PTPRK: variants seen among roughly 807,000 people sequenced by gnomAD.
PTPRK encodes receptor-type tyrosine-protein phosphatase kappa.
Under a neutral mutation model 178.0 loss-of-function variants are expected in PTPRK, and 75 were observed. The ratio of observed to expected loss-of-function variants is 0.42; its 90% CI spans 0.35 to 0.51. The LOEUF (loss-of-function observed/expected upper bound fraction) is 0.51. Ranked by LOEUF, PTPRK falls within the 20% of genes least tolerant of loss-of-function variation. PTPRK has a pLI of 0.02. For synonymous variants in PTPRK, 637 were observed against 620.6 expected (o/e 1.03, Z -0.39); for missense variants, 1,441 against 1,797.8 (o/e 0.80, Z 3.59).
At chr6:128,349,737 G>A (rs774465050) in intron 2 of PTPRK, among the ~76,000 whole-genome samples, 6 of 152,176 alleles carry the variant, frequency 3.9e-5, no homozygotes, top group Non-Finnish European at 5.9e-5. Context: ...GGGTATAGGC[G>A]TTATAGTCTA....
At chr6:128,424,288 T>C (rs1363748484) in intron 1 of PTPRK, among the ~76,000 whole-genome samples, 1 of 152,040 alleles carries the variant, frequency 6.6e-6, no homozygotes, top group East Asian at 1.9e-4. Context: ...CAGCTACAGA[T>C]AAAGATATAG....
chr6:128,168,214 G>A (rs1799694468), intron 7 of PTPRK, among the ~76,000 whole-genome samples: 1 of 152,002 alleles, frequency 6.6e-6, no homozygotes, highest in Non-Finnish European at 1.5e-5. Context: ...ATTCTTTCTT[G>A]CATTTTGATT....
At chr6:128,472,315 C>T (rs546168235) in intron 1 of PTPRK, among the ~76,000 whole-genome samples, 14 of 152,032 alleles carry the variant, frequency 9.2e-5, no homozygotes, top group African/African-American at 3.4e-4. Context: ...GTGGTGCACC[C>T]GAGCTACATG....
intron 12 of PTPRK, among the ~76,000 whole-genome samples, chr6:128,066,974 C>T (rs1208729563): frequency 2.0e-5 from 3 of 152,154 alleles, no homozygotes; most frequent in South Asian, 2.1e-4. Flanking sequence ...AGCCAGTCAT[C>T]GCCAGGCTGC....
intron 2 of PTPRK, among the ~76,000 whole-genome samples, chr6:128,353,554 T>C (rs903086576): frequency 4.6e-5 from 7 of 152,220 alleles, no homozygotes; most frequent in Non-Finnish European, 1.0e-4. Flanking sequence ...ACAACTTGCA[T>C]GGATCCTAAG....
intron 1 of PTPRK, among the ~76,000 whole-genome samples, chr6:128,486,555 G>C (rs1047006014): frequency 6.6e-6 from 1 of 152,060 alleles, no homozygotes; most frequent in Non-Finnish European, 1.5e-5. Flanking sequence ...TGTAATCCCA[G>C]GACTTTGGGA....
intron 7 of PTPRK, among the ~76,000 whole-genome samples, chr6:128,149,624 G>A (rs1796985675): frequency 6.6e-6 from 1 of 152,006 alleles, no homozygotes; most frequent in Admixed American, 6.6e-5. Flanking sequence ...TACATCACAG[G>A]GTAGTTGTGA....
At chr6:128,245,612 A>G (rs972081093) in intron 3 of PTPRK, among the ~76,000 whole-genome samples, 1 of 152,158 alleles carries the variant, frequency 6.6e-6, no homozygotes, top group Non-Finnish European at 1.5e-5. Context: ...TGAAAGTGAG[A>G]TGGAGGATGG....
At chr6:128,137,940 C>A (rs1262342072) in intron 7 of PTPRK, among the ~76,000 whole-genome samples, 5 of 152,002 alleles carry the variant, frequency 3.3e-5, no homozygotes, top group East Asian at 3.8e-4. Flanking sequence ...ACTGGTATAT[C>A]CCACATCAGG....
intron 1 of PTPRK, among the ~76,000 whole-genome samples, chr6:128,402,597 A>G (rs1841170370): frequency 6.6e-6 from 1 of 152,196 alleles, no homozygotes; most frequent in Admixed American, 6.5e-5. Flanking sequence ...TCTGAAATAT[A>G]CTGGGATATG....
At chr6:128,144,453 T>G (rs2114525192) in intron 7 of PTPRK, among the ~76,000 whole-genome samples, 1 of 152,304 alleles carries the variant, frequency 6.6e-6, no homozygotes, top group South Asian at 2.1e-4. Flanking sequence ...TGCATGTTGT[T>G]TACTCTGCTG....
chr6:128,092,238 A>ATGTATT (rs1787104595), intron 7 of PTPRK, among the ~76,000 whole-genome samples: 1 of 152,104 alleles, frequency 6.6e-6, no homozygotes, highest in African/African-American at 2.4e-5. Context: ...TGAAATTGAC[A>ATGTATT]TTTTTTTCCA....
chr6:127,983,272 T>C lies in PTPRK; in HGVS notation c.3357A>G (p.Arg1119=). Residue 1119 remains arginine (R), a synonymous_variant, in exon 23 of 30, where the codon AGA becomes AGG. Coordinates refer to ENST00000368226, the MANE Select transcript of PTPRK (RefSeq NM_002844.4). ...VDIYNCVKAL[R]SRRINMVQTE... is the part of the protein sequence containing the mutation. Reference sequence around the variant, plus strand: ...TCTGGACCATATTAATACGCCGAGATCTTAAGGCTTTGACACAATTGTAAA... The same window carrying C: ...TCTGGACCATATTAATACGCCGAGACCTTAAGGCTTTGACACAATTGTAAA... 6.2e-7 allele frequency: 1 copy of C among 1,613,384 alleles called. No homozygotes were observed. Among genetic ancestry groups the C allele is most frequent in the Non-Finnish European group, 8.5e-7 (1 of 1,179,560 alleles).
intron 1 of PTPRK, among the ~76,000 whole-genome samples, chr6:128,516,476 C>T (rs183983418): frequency 2.0e-5 from 3 of 151,624 alleles, no homozygotes; most frequent in East Asian, 1.9e-4. Flanking sequence ...ATTGAGGGAT[C>T]GAGGGATATT....
chr6:128,266,270 C>T (rs1445077773), intron 3 of PTPRK, among the ~76,000 whole-genome samples: 1 of 152,122 alleles, frequency 6.6e-6, no homozygotes, highest in Non-Finnish European at 1.5e-5. Context: ...GAAGTAAGTG[C>T]TATTGCTTGA....
intron 2 of PTPRK, among the ~76,000 whole-genome samples, chr6:128,388,670 G>C (rs573948697): frequency 5.3e-5 from 8 of 152,272 alleles, no homozygotes; most frequent in Non-Finnish European, 7.4e-5. Context: ...CCTTTCCCAA[G>C]ACATAAAACC....
At chr6:128,471,619 A>G (rs572357393) in intron 1 of PTPRK, among the ~76,000 whole-genome samples, 1 of 150,634 alleles carries the variant, frequency 6.6e-6, no homozygotes, top group South Asian at 2.1e-4. Context: ...AAAAAAAAAA[A>G]AAAAAAACTC....
chr6:128,076,870 C>T (rs1033032001), intron 11 of PTPRK, among the ~76,000 whole-genome samples: 1 of 151,954 alleles, frequency 6.6e-6, no homozygotes, highest in Admixed American at 6.6e-5. Context: ...CTATGACAAA[C>T]CTGGGCAAAG....
chr6:128,101,130 CAAAG>C (rs962163803), intron 7 of PTPRK, among the ~76,000 whole-genome samples: 1 of 151,910 alleles, frequency 6.6e-6, no homozygotes, highest in Admixed American at 6.6e-5. Context: ...GAATAGTAAA[CAAAG>C]AAGTGTGTAA....
Sources: gnomAD v4.1 joint callset for allele counts (sites outside exome capture counted in the v4.1 genomes callset) on GRCh38, gnomAD v4.1.1 for gene constraint, MANE v1.5 for transcripts, NCBI Gene and HGNC (gene_info 2026-07-23, HGNC 2026-07-21) for gene names.